Variants in PPP2R2B observed in about 807,000 individuals in gnomAD.
PPP2R2B encodes protein phosphatase 2 regulatory subunit Bbeta, also known as serine/threonine-protein phosphatase 2A 55 kDa regulatory subunit B beta isoform.
Under a neutral mutation model 46.0 loss-of-function variants are expected in PPP2R2B, and 5 were observed. The ratio of observed to expected loss-of-function variants is 0.11; its 90% CI spans 0.06 to 0.23. The LOEUF (loss-of-function observed/expected upper bound fraction) is 0.23. PPP2R2B is among the 10% of genes least tolerant of loss of function. The pLI is 1.00. For synonymous variants in PPP2R2B, 215 were observed against 206.7 expected, an observed-to-expected ratio of 1.04 and a Z score of -0.34; for missense variants, 367 against 575.0, an observed-to-expected ratio of 0.64 and a Z score of 3.70.
At chr5:146,796,113 A>C (rs967403888) in intron 2 of PPP2R2B, among the ~76,000 whole-genome samples, 1 of 152,180 alleles carries the variant, frequency 6.6e-6, no homozygotes, top group African/African-American at 2.4e-5. Context: ...ATGGTACACC[A>C]ACAGAAAACA....
At chr5:146,976,385 C>T (rs773866215) in intron 1 of PPP2R2B, among the ~76,000 whole-genome samples, 4 of 152,196 alleles carry the variant, frequency 2.6e-5, no homozygotes, top group Middle Eastern at 3.4e-3. Context: ...GATCCACTCA[C>T]CTCGGCCTCC....
At chr5:146,726,876 A>T (rs1389143384) in intron 2 of PPP2R2B, among the ~76,000 whole-genome samples, 3 of 152,190 alleles carry the variant, frequency 2.0e-5, no homozygotes, top group African/African-American at 7.2e-5. Flanking sequence ...TTCAAGAGGA[A>T]ACCCAGTTCT....
chr5:147,069,785 G>GTTTTTTTTTTTTTTTTTT lies in PPP2R2B; in HGVS notation c.50+11256_50+11273dup. Among the ~76,000 whole-genome samples, 67 of 64,788 alleles carry GTTTTTTTTTTTTTTTTTT rather than the reference G, an allele frequency of 1.0e-3. 22 individuals are homozygous for GTTTTTTTTTTTTTTTTTT. Among genetic ancestry groups the GTTTTTTTTTTTTTTTTTT allele is most frequent in the African/African-American group, 4.3e-3 (57 of 13,260 alleles). 42.5% of individuals were successfully genotyped at this position (64,788 alleles called of 152,430 possible). A position where few individuals can be genotyped will look rare whatever the true frequency, so the allele number is the denominator to read the frequency against. ...CTCCCACATGAACACATTTTATACT[G>GTTTTTTTTTTTTTTTTTT]TTTTTTTTTTTTTTTTTTTTTTTGA... On this transcript the variant is annotated intron_variant, in intron 2 of 10. Transcript: ENST00000394413.
At chr5:147,022,848 A>C (rs1416174148) in intron 1 of PPP2R2B, among the ~76,000 whole-genome samples, 1 of 152,116 alleles carries the variant, frequency 6.6e-6, no homozygotes, top group East Asian at 1.9e-4. Context: ...GTCTAGATAG[A>C]ACCAGTGAAA....
At position 146,667,925 on chromosome 5, in the gene PPP2R2B, AAC is replaced by A. The variant is rs375668454; in HGVS notation, c.448-17203_448-17202del. On this transcript the variant is annotated intron_variant, in intron 5 of 9. Coordinates refer to ENST00000394411, the MANE Select transcript of PPP2R2B (RefSeq NM_181675.4). ...AGAGAAGGAAACAAGCAGGCAGAGA[AAC>A]AAAGTGGGAAGAAGGAAGCATCAGA... Among the ~76,000 whole-genome samples, 85 of 152,306 alleles carry A rather than the reference AAC, an allele frequency of 5.6e-4. 1 individual carries two copies. In the South Asian group the frequency reaches 0.017, roughly 30 times the overall value.
chr5:147,047,462 C>G (rs912991346), intron 1 of PPP2R2B, among the ~76,000 whole-genome samples: 47 of 151,968 alleles, frequency 3.1e-4, no homozygotes, highest in Non-Finnish European at 4.7e-4. Flanking sequence ...ACTCCACCCC[C>G]CAAAATGTAC....
intron 9 of PPP2R2B, 44 bp downstream of exon 9, chr5:146,592,927 A>G: frequency 6.4e-7 from 1 of 1,550,558 alleles, no homozygotes; most frequent in Non-Finnish European, 8.9e-7. Context: ...GAGCCTCTTC[A>G]AGACAATCTT....
intron 7 of PPP2R2B, among the ~76,000 whole-genome samples, chr5:146,605,535 C>A (rs905434915): frequency 2.0e-5 from 3 of 152,300 alleles, no homozygotes; most frequent in African/African-American, 7.2e-5. Context: ...GAGTTGACAA[C>A]GCAATTACCC....
chr5:146,690,841 T>C (rs2151152246), intron 5 of PPP2R2B, among the ~76,000 whole-genome samples: 1 of 152,328 alleles, frequency 6.6e-6, no homozygotes, highest in African/African-American at 2.4e-5. Flanking sequence ...CAAGACATTT[T>C]AGATAACGTG....
At chr5:146,912,892 C>G (rs758455968) in intron 1 of PPP2R2B, among the ~76,000 whole-genome samples, 5 of 152,080 alleles carry the variant, frequency 3.3e-5, no homozygotes, top group Non-Finnish European at 7.4e-5. Context: ...CAAGTACTAC[C>G]GTCATATGGA....
chr5:147,040,812 A>AC, intron 1 of PPP2R2B: 1 of 437,570 alleles, frequency 2.3e-6, no homozygotes, highest in Admixed American at 2.6e-5. Flanking sequence ...TTTCCTTAAA[A>AC]AAAAAAAAAA....
At chr5:146,780,519 A>C (rs1339649575) in intron 2 of PPP2R2B, among the ~76,000 whole-genome samples, 2 of 152,208 alleles carry the variant, frequency 1.3e-5, no homozygotes, top group Admixed American at 1.3e-4. Flanking sequence ...AACTTGCCAG[A>C]GTCAAGCCCA....
intron 1 of PPP2R2B, among the ~76,000 whole-genome samples, chr5:146,986,280 A>G (rs1483443207): frequency 6.6e-6 from 1 of 152,136 alleles, no homozygotes; most frequent in Non-Finnish European, 1.5e-5. Context: ...CCACAGAAAA[A>G]TACAACATGG....
intron 1 of PPP2R2B, among the ~76,000 whole-genome samples, chr5:146,993,607 A>C (rs1215489027): frequency 6.6e-6 from 1 of 152,160 alleles, no homozygotes; most frequent in Non-Finnish European, 1.5e-5. Context: ...GACTCTATAC[A>C]TTGCTACTGT....
At chr5:147,034,220 G>T (rs927215098) in intron 1 of PPP2R2B, among the ~76,000 whole-genome samples, 7 of 152,130 alleles carry the variant, frequency 4.6e-5, no homozygotes, top group African/African-American at 1.7e-4. Flanking sequence ...TTGTATGGCT[G>T]ATGACCTCAT....
intron 2 of PPP2R2B, among the ~76,000 whole-genome samples, chr5:146,811,727 A>ATT (rs1163716544): frequency 2.6e-4 from 31 of 121,234 alleles, no homozygotes; most frequent in African/African-American, 6.6e-4. Flanking sequence ...CGCCCGGCTA[A>ATT]TTTTTTTTTT....
At chr5:146,769,003 A>G (rs971538995) in intron 2 of PPP2R2B, among the ~76,000 whole-genome samples, 3 of 151,754 alleles carry the variant, frequency 2.0e-5, no homozygotes, top group African/African-American at 7.3e-5. Flanking sequence ...TCAGCCTCCC[A>G]AGTAGGTGGG....
intron 7 of PPP2R2B, among the ~76,000 whole-genome samples, chr5:146,615,474 C>T (rs1352089082): frequency 1.9e-5 from 2 of 103,062 alleles, no homozygotes; most frequent in African/African-American, 4.0e-5. Flanking sequence ...GCACAATGTT[C>T]ACATGTACCC....
chr5:146,616,959 T>C (rs1254922810), intron 7 of PPP2R2B: 1 of 152,382 alleles, frequency 6.6e-6, no homozygotes, highest in Non-Finnish European at 1.5e-5. Context: ...AGCCAAGATT[T>C]GGAAGCAACC....
Sources: allele counts gnomAD v4.1 joint callset (sites outside exome capture counted in the v4.1 genomes callset), GRCh38; gene constraint gnomAD v4.1.1; transcripts MANE v1.5; gene names NCBI Gene and HGNC (gene_info 2026-07-23, HGNC 2026-07-21).